Variants in NKAIN2 observed in about 807,000 individuals in gnomAD.
The protein encoded by NKAIN2 is sodium/potassium-transporting ATPase subunit beta-1-interacting protein 2.
In NKAIN2, 14 loss-of-function variants were observed where a neutral mutation model predicts 32.6. The ratio of observed to expected loss-of-function variants is 0.43; its 90% CI spans 0.28 to 0.67. The LOEUF (loss-of-function observed/expected upper bound fraction) is 0.67, where lower values mean the gene tolerates loss of function less well. Ranked by LOEUF, NKAIN2 falls within the 30% of genes least tolerant of loss-of-function variation. The probability of loss-of-function intolerance (pLI) is 0.17; values close to 1 mark genes in which losing one functional copy is unlikely to be tolerated. For missense variants in NKAIN2, 198 were observed against 258.3 expected (o/e 0.77, Z 1.60); for synonymous variants, 80 against 87.2 (o/e 0.92, Z 0.46).
At chr6:123,906,283 C>CTT (rs567783482) in intron 1 of NKAIN2, among the ~76,000 whole-genome samples, 1 of 145,686 alleles carries the variant, frequency 6.9e-6, no homozygotes, top group African/African-American at 2.5e-5. Flanking sequence ...TCTTCTTCTA[C>CTT]TTTTTTTTTT....
intron 1 of NKAIN2, among the ~76,000 whole-genome samples, chr6:124,138,099 T>C (rs561784107): frequency 6.6e-6 from 1 of 152,192 alleles, no homozygotes; most frequent in South Asian, 2.1e-4. Flanking sequence ...CTGCAAACTA[T>C]GCATCCAACA....
chr6:124,579,604 A>T (rs1345953900), intron 3 of NKAIN2, among the ~76,000 whole-genome samples: 1 of 152,010 alleles, frequency 6.6e-6, no homozygotes, highest in Non-Finnish European at 1.5e-5. Context: ...TCAAAAGTGC[A>T]AATCTAAGAG....
intron 3 of NKAIN2, among the ~76,000 whole-genome samples, chr6:124,645,101 A>T (rs778776925): frequency 3.3e-5 from 5 of 152,230 alleles, no homozygotes; most frequent in Admixed American, 6.5e-5. Context: ...AAGAATTAAC[A>T]GTGAGACAAG....
intron 3 of NKAIN2, among the ~76,000 whole-genome samples, chr6:124,621,750 A>G (rs867726991): frequency 1.3e-5 from 2 of 152,234 alleles, no homozygotes; most frequent in Middle Eastern, 3.4e-3. Context: ...GAATTTGACA[A>G]ATTTAACTAT....
At chr6:124,386,583 C>A (rs368785538) in intron 3 of NKAIN2, among the ~76,000 whole-genome samples, 1 of 152,118 alleles carries the variant, frequency 6.6e-6, no homozygotes, top group Non-Finnish European at 1.5e-5. Flanking sequence ...CTGATCCGGG[C>A]GCAATGGTTT....
chr6:124,026,502 A>G (rs1287996869), intron 1 of NKAIN2, among the ~76,000 whole-genome samples: 1 of 152,156 alleles, frequency 6.6e-6, no homozygotes, highest in Non-Finnish European at 1.5e-5. Context: ...CTCAATATGC[A>G]TCTCATCTGT....
intron 4 of NKAIN2, among the ~76,000 whole-genome samples, chr6:124,686,817 T>C (rs1336233303): frequency 1.3e-5 from 2 of 152,070 alleles, no homozygotes; most frequent in African/African-American, 2.4e-5. Context: ...ATCCTGGGTG[T>C]GTCTGTGAGG....
At chr6:124,274,903 C>A (rs1209368859) in intron 1 of NKAIN2, among the ~76,000 whole-genome samples, 2 of 152,074 alleles carry the variant, frequency 1.3e-5, no homozygotes, top group African/African-American at 2.4e-5. Context: ...CACACACTCA[C>A]ATACACATTT....
chr6:124,029,684 C>T (rs1300090577), intron 1 of NKAIN2, among the ~76,000 whole-genome samples: 1 of 152,124 alleles, frequency 6.6e-6, no homozygotes, highest in African/African-American at 2.4e-5. Flanking sequence ...CAGGGATCCC[C>T]AACCCCCAGG....
At chr6:124,311,135 G>A (rs1277520530) in intron 2 of NKAIN2, among the ~76,000 whole-genome samples, 2 of 152,188 alleles carry the variant, frequency 1.3e-5, no homozygotes, top group East Asian at 3.9e-4. Flanking sequence ...GCAAAGAACA[G>A]TGAAGATACT....
intron 4 of NKAIN2, among the ~76,000 whole-genome samples, chr6:124,694,421 CG>C (rs751314410): frequency 1.3e-5 from 2 of 152,172 alleles, no homozygotes; most frequent in South Asian, 4.1e-4. Context: ...CAATTGGAAC[CG>C]GCAGGAGTAA....
At chr6:124,253,872 A>C in intron 1 of NKAIN2, among the ~76,000 whole-genome samples, 1 of 142,018 alleles carries the variant, frequency 7.0e-6, no homozygotes. Context: ...TTACTCTGTC[A>C]CCCAGGCTGG....
intron 1 of NKAIN2, among the ~76,000 whole-genome samples, chr6:124,193,134 T>C (rs539672694): frequency 6.6e-6 from 1 of 152,324 alleles, no homozygotes. Context: ...CTAGATTATG[T>C]TATGGCATAC....
At chr6:124,468,313 G>T (rs1776842269) in intron 3 of NKAIN2, among the ~76,000 whole-genome samples, 1 of 152,120 alleles carries the variant, frequency 6.6e-6, no homozygotes, top group South Asian at 2.1e-4. Flanking sequence ...GTCAACCAAA[G>T]AAAATGTAAG....
At chr6:124,662,766 T>G (rs573056042) in intron 4 of NKAIN2, among the ~76,000 whole-genome samples, 1 of 152,218 alleles carries the variant, frequency 6.6e-6, no homozygotes, top group Non-Finnish European at 1.5e-5. Context: ...GTAGCTGATA[T>G]GTATGTTGTA....
chr6:123,956,395 G>T (rs9401714), intron 1 of NKAIN2, among the ~76,000 whole-genome samples: 3,454 of 152,142 alleles, frequency 0.023, 85 homozygotes, highest in East Asian at 0.14. Flanking sequence ...AACCCAATAG[G>T]ACTGGAGTCC....
intron 3 of NKAIN2, among the ~76,000 whole-genome samples, chr6:124,434,848 T>C (rs1775368404): frequency 1.3e-5 from 2 of 152,174 alleles, no homozygotes; most frequent in South Asian, 4.1e-4. Context: ...GTCAGTGAGA[T>C]GGCTTATAGA....
At chr6:124,469,921 A>G (rs1370975235) in intron 3 of NKAIN2, among the ~76,000 whole-genome samples, 1 of 152,170 alleles carries the variant, frequency 6.6e-6, no homozygotes, top group East Asian at 1.9e-4. Context: ...GCCCCTGAGA[A>G]TAAGAGACTT....
At chr6:124,346,374 AT>A (rs541372507) in intron 2 of NKAIN2, among the ~76,000 whole-genome samples, 87 of 152,218 alleles carry the variant, frequency 5.7e-4, no homozygotes, top group African/African-American at 2.1e-3. Flanking sequence ...GCTGAGTTCA[AT>A]TCCTGGGTAT....
Sources: gnomAD v4.1 joint callset for allele counts (sites outside exome capture counted in the v4.1 genomes callset) on GRCh38, gnomAD v4.1.1 for gene constraint, MANE v1.5 for transcripts, NCBI Gene and HGNC (gene_info 2026-07-23, HGNC 2026-07-21) for gene names.